Variants in CACNA1S observed in about 807,000 individuals in gnomAD.
The protein encoded by CACNA1S is calcium voltage-gated channel subunit alpha1 S, also known as voltage-dependent L-type calcium channel subunit alpha-1S.
CACNA1S carries 126 observed loss-of-function variants against 207.4 expected under a neutral mutation model. The observed-to-expected ratio is 0.61, with a 90% confidence interval of 0.53 to 0.70. CACNA1S has a LOEUF of 0.70. Among genes scored for constraint, CACNA1S ranks in the 30% least tolerant of loss-of-function variants. The pLI, the probability that CACNA1S is intolerant of heterozygous loss-of-function variation, is 0.00. For missense variants in CACNA1S, 2,349 were observed against 2,422.8 expected (o/e 0.97, Z 0.64); for synonymous variants, 960 against 932.7 (o/e 1.03, Z -0.53).
Position 201,060,851 on chromosome 1 carries a change from G to C in CACNA1S, c.3256-35C>G, listed in dbSNP as rs551476645. The C allele has an allele frequency of 1.9e-6, 3 of 1,613,402 alleles. No homozygotes were observed. In the African/African-American group the frequency reaches 4.0e-5, roughly 22 times the overall value. ...ATACAACAGGACAGGTCAGCACCAA[G>C]AGGCCCCTCCCTCCCTCTCCACACC... On this transcript the variant is annotated intron_variant, in intron 25 of 43. Coordinates refer to ENST00000362061, the MANE Select transcript of CACNA1S (RefSeq NM_000069.3).
At position 201,041,537 on chromosome 1, in the gene CACNA1S, C is replaced by T. The variant is rs1660204682; in HGVS notation, c.5101G>A (p.Gly1701Arg). ...PEETETPATR[G>R]RALGQPCRVL... is the part of the protein sequence containing the mutation. ...CTGCAGGGTTGGCCAAGGGCTCGTC[C>T]TCTGGTAGCAGGCGTCTCTGTCTCT... Residue 1701 changes from glycine to arginine, a missense_variant, in exon 41 of 44, where the codon GGA becomes AGA. By Grantham distance (125) the Gly-to-Arg change is moderately radical. Transcript: ENST00000362061. 6.2e-7 allele frequency: 1 copy of T among 1,614,192 alleles called. No homozygotes were observed. The highest frequency in any genetic ancestry group is 8.5e-7 in the Non-Finnish European group (1 of 1,179,996).
At chr1:201,047,088 CT>C in intron 38 of CACNA1S, 26 bp downstream of exon 38, 1 of 1,614,176 alleles carries the variant, frequency 6.2e-7, no homozygotes. Flanking sequence ...GGGGGAGCCC[CT>C]TGGAACATAC....
At chr1:201,068,361 G>A (rs928119072) in intron 19 of CACNA1S, among the ~76,000 whole-genome samples, 3 of 142,946 alleles carry the variant, frequency 2.1e-5, no homozygotes, top group Non-Finnish European at 4.5e-5. Context: ...TCCTGCCTCA[G>A]CCTCCTGAGT....
intron 2 of CACNA1S, 138 bp downstream of exon 2, chr1:201,110,026 G>T (rs1484101174): frequency 1.3e-6 from 1 of 791,728 alleles, no homozygotes; most frequent in African/African-American, 1.7e-5. Flanking sequence ...AGCCCTGCAG[G>T]TGGCTGGGGA....
At chr1:201,084,921 G>A (rs766859831) in intron 9 of CACNA1S, 29 bp downstream of exon 9, 7 of 1,516,846 alleles carry the variant, frequency 4.6e-6, no homozygotes, top group Non-Finnish European at 6.4e-6. Context: ...GGGGGTTGGG[G>A]GTTCCTGGGG....
chr1:201,108,603 G>A (rs1168349243), intron 2 of CACNA1S, among the ~76,000 whole-genome samples: 1 of 152,132 alleles, frequency 6.6e-6, no homozygotes, highest in Non-Finnish European at 1.5e-5. Flanking sequence ...GCCGGCAAAG[G>A]TGGCATTGGC....
intron 2 of CACNA1S, among the ~76,000 whole-genome samples, chr1:201,099,020 A>C (rs567026178): frequency 6.6e-5 from 10 of 152,202 alleles, no homozygotes; most frequent in Admixed American, 1.3e-4. Flanking sequence ...GGGTTGAAAA[A>C]AGCAGGGCTG....
rs368919048 is a variant in CACNA1S, at chr1:201,050,436, G to A, written c.4194C>T (p.His1398=). 2.1e-4 allele frequency: 338 copies of A among 1,613,866 alleles called. No homozygotes were observed. Among genetic ancestry groups the A allele is most frequent in the Non-Finnish European group, 2.8e-4 (325 of 1,179,898 alleles). Residue 1398 remains histidine, a synonymous_variant, in exon 34 of 44, where the codon CAC becomes CAT. Coordinates refer to ENST00000362061, the MANE Select transcript of CACNA1S (RefSeq NM_000069.3). ...CCCAGATGGCCTTGAACTCATCCAG[G>A]TGATGAGGGCCCAGGATGGACCAGT... ...TRDWSILGPH[H]LDEFKAIWAE...
rs745873135 is a variant in CACNA1S, at chr1:201,040,730, G to A, written c.5135-17C>T. 2.2e-5 allele frequency: 35 copies of A among 1,605,756 alleles called. No homozygotes were observed. Among genetic ancestry groups the A allele is most frequent in the Non-Finnish European group, 2.7e-5 (32 of 1,173,316 alleles). On this transcript the variant is annotated splice_polypyrimidine_tract_variant and intron_variant, in intron 41 of 43. Coordinates refer to ENST00000362061, the MANE Select transcript of CACNA1S (RefSeq NM_000069.3). The stretch of plus-strand genomic sequence containing the variant: ...TGTGGGGTCCTGTATGCAAGAAGGG[G>A]CAAGGATAAGAGGGGCTGCTGACTC...
At chr1:201,058,067 T>C (rs1286005044) in intron 28 of CACNA1S, among the ~76,000 whole-genome samples, 1 of 152,168 alleles carries the variant, frequency 6.6e-6, no homozygotes, top group Non-Finnish European at 1.5e-5. Context: ...CTTGCTCTCC[T>C]CTCCAGCTCC....
chr1:201,081,060 A>C (rs1661822978), intron 10 of CACNA1S, among the ~76,000 whole-genome samples: 1 of 152,116 alleles, frequency 6.6e-6, no homozygotes, highest in South Asian at 2.1e-4. Flanking sequence ...TTCCAAGCTC[A>C]TTTCCTGGCC....
chr1:201,095,649 A>G (rs974460278), intron 2 of CACNA1S, among the ~76,000 whole-genome samples: 1 of 152,212 alleles, frequency 6.6e-6, no homozygotes, highest in African/African-American at 2.4e-5. Flanking sequence ...CATTCCTTCT[A>G]TTAATTTGTG....
intron 25 of CACNA1S, 84 bp downstream of exon 25, chr1:201,061,182 CT>C: frequency 7.9e-7 from 1 of 1,262,422 alleles, no homozygotes; most frequent in Non-Finnish European, 1.1e-6. Context: ...CCTTAGGCCT[CT>C]CTTCCCTGGC....
In CACNA1S at chr1:201,089,406, C is replaced by T. The variant is rs970461908; in HGVS notation, c.752G>A (p.Gly251Glu). Reference protein sequence around the residue: ...EPSPCARTGSGRRCTINGSEC... With the variant: ...EPSPCARTGSERRCTINGSEC... ...ACTGCCATTGATGGTGCACCGGCGC[C>T]CTGAGCCCGTCCTGGCGCAGGGCGA... The change falls in exon 6 of 44, where the codon GGG becomes GAG. Residue 251 changes from glycine to glutamate, a missense_variant. Transcript: ENST00000362061. 1 of 1,614,038 alleles carries T rather than the reference C, an allele frequency of 6.2e-7. No individual in the cohort carries two copies. Among genetic ancestry groups the T allele is most frequent in the Non-Finnish European group, 8.5e-7 (1 of 1,180,044 alleles).
chr1:201,111,384 TTC>T (rs1466341910), intron 1 of CACNA1S, among the ~76,000 whole-genome samples: 1 of 152,050 alleles, frequency 6.6e-6, no homozygotes, highest in Non-Finnish European at 1.5e-5. Context: ...AGCCCTCCCC[TTC>T]TCTCTGTCAC....
intron 33 of CACNA1S, 74 bp downstream of exon 33, chr1:201,050,910 A>G: frequency 6.7e-7 from 1 of 1,483,958 alleles, no homozygotes; most frequent in Non-Finnish European, 9.4e-7. Flanking sequence ...CTGGCCAGGA[A>G]GGGGCAGGCA....
intron 28 of CACNA1S, among the ~76,000 whole-genome samples, chr1:201,056,841 C>T (rs12563506): frequency 1.3e-5 from 2 of 152,230 alleles, no homozygotes; most frequent in Non-Finnish European, 2.9e-5. Context: ...TGCTGTTTCT[C>T]ATTCCACCTC....
intron 36 of CACNA1S, 66 bp from the exon 37 acceptor site, chr1:201,047,692 T>A: frequency 9.6e-7 from 1 of 1,046,186 alleles, no homozygotes; most frequent in Non-Finnish European, 1.5e-6. Context: ...GCCACCCAGT[T>A]CTTTCTGAAC....
intron 11 of CACNA1S, 40 bp from the exon 12 acceptor site, chr1:201,077,167 C>G (rs1168658427): frequency 4.5e-6 from 7 of 1,560,044 alleles, no homozygotes; most frequent in Non-Finnish European, 6.2e-6. Flanking sequence ...GAGACAGACC[C>G]TCTCACTGGG....
Sources: allele counts gnomAD v4.1 joint callset (sites outside exome capture counted in the v4.1 genomes callset), GRCh38; gene constraint gnomAD v4.1.1; transcripts MANE v1.5; gene names NCBI Gene and HGNC (gene_info 2026-07-23, HGNC 2026-07-21).